The following TMEM163 variants were observed in gnomAD, a reference collection of about 807,000 sequenced individuals.
The protein encoded by TMEM163 is transmembrane protein 163.
TMEM163 carries 17 observed loss-of-function variants against 29.3 expected under a neutral mutation model. The ratio of observed to expected loss-of-function variants is 0.58; its 90% confidence interval spans 0.40 to 0.87. The LOEUF (loss-of-function observed/expected upper bound fraction) is 0.87. Among genes scored for constraint, TMEM163 ranks in the 40% least tolerant of loss-of-function variants. The pLI, the probability that TMEM163 is intolerant of heterozygous loss-of-function variation, is 0.00. For synonymous variants in TMEM163, 157 were observed against 160.6 expected (o/e 0.98, Z 0.17); for missense variants, 303 against 381.5 (o/e 0.79, Z 1.71).
intron 2 of TMEM163, among the ~76,000 whole-genome samples, chr2:134,568,952 T>C (rs969292895): frequency 6.6e-6 from 1 of 152,154 alleles, no homozygotes; most frequent in South Asian, 2.1e-4. Flanking sequence ...AAAAGTGAGA[T>C]TCAGACACTC....
intron 2 of TMEM163, among the ~76,000 whole-genome samples, chr2:134,667,333 A>G (rs1010383691): frequency 1.1e-4 from 16 of 152,252 alleles, no homozygotes. Context: ...GTTCTAGCCA[A>G]TGGGATCTGA....
chr2:134,481,807 G>T (rs1679192295), intron 5 of TMEM163, among the ~76,000 whole-genome samples: 1 of 152,152 alleles, frequency 6.6e-6, no homozygotes, highest in South Asian at 2.1e-4. Context: ...CATGAGCTGA[G>T]ATGAAAGTGC....
At chr2:134,709,122 C>G (rs1177986081) in intron 2 of TMEM163, among the ~76,000 whole-genome samples, 2 of 152,098 alleles carry the variant, frequency 1.3e-5, no homozygotes, top group Non-Finnish European at 2.9e-5. Context: ...ATGTCAAAAC[C>G]CTGAGTTTTG....
At chr2:134,656,319 G>A (rs2104853730) in intron 2 of TMEM163, among the ~76,000 whole-genome samples, 1 of 151,574 alleles carries the variant, frequency 6.6e-6, no homozygotes, top group African/African-American at 2.4e-5. Context: ...TTCCAGGTGC[G>A]TCCGTCACCC....
chr2:134,542,815 C>T (rs761942558), intron 4 of TMEM163, among the ~76,000 whole-genome samples: 3 of 152,160 alleles, frequency 2.0e-5, no homozygotes, highest in African/African-American at 7.2e-5. Flanking sequence ...ATTAAACTTA[C>T]AGGGAAGCTC....
chr2:134,610,280 C>T (rs1411530765), intron 2 of TMEM163, among the ~76,000 whole-genome samples: 2 of 152,298 alleles, frequency 1.3e-5, no homozygotes, highest in African/African-American at 4.8e-5. Flanking sequence ...CCACTGTGGC[C>T]GCCAGCCACT....
intron 2 of TMEM163, among the ~76,000 whole-genome samples, chr2:134,608,931 A>AAGG (rs1250217890): frequency 3.0e-5 from 2 of 66,064 alleles, no homozygotes; most frequent in Non-Finnish European, 2.8e-5. Context: ...TGCTGGTGAA[A>AAGG]AGGACAGACC....
chr2:134,643,124 G>A (rs190604608), intron 2 of TMEM163, among the ~76,000 whole-genome samples: 7 of 152,010 alleles, frequency 4.6e-5, no homozygotes, highest in African/African-American at 1.4e-4. Flanking sequence ...AAAGAGAGAA[G>A]ACACAAATTA....
At chr2:134,486,774 A>T (rs976650868) in intron 5 of TMEM163, among the ~76,000 whole-genome samples, 1 of 152,226 alleles carries the variant, frequency 6.6e-6, no homozygotes, top group Non-Finnish European at 1.5e-5. Flanking sequence ...ACTTTAGACC[A>T]ATGTTACTTA....
chr2:134,706,443 T>C (rs1376577261), intron 2 of TMEM163, among the ~76,000 whole-genome samples: 1 of 152,028 alleles, frequency 6.6e-6, no homozygotes, highest in African/African-American at 2.4e-5. Flanking sequence ...CGGGTCCTGG[T>C]GTGGAGGAGT....
chr2:134,561,289 C>T (rs766961218), intron 2 of TMEM163, among the ~76,000 whole-genome samples: 2 of 152,228 alleles, frequency 1.3e-5, no homozygotes, highest in African/African-American at 2.4e-5. Flanking sequence ...CTGCAAGCTC[C>T]GCCTTCTGGG....
chr2:134,501,073 T>C (rs1318925851), intron 5 of TMEM163, among the ~76,000 whole-genome samples: 1 of 152,212 alleles, frequency 6.6e-6, no homozygotes, highest in East Asian at 1.9e-4. Context: ...CTGGTCACTA[T>C]ACATGATATG....
intron 4 of TMEM163, among the ~76,000 whole-genome samples, chr2:134,506,562 T>A (rs183018096): frequency 2.9e-4 from 44 of 152,236 alleles, no homozygotes; most frequent in African/African-American, 1.0e-3. Context: ...CGGGCTTGCC[T>A]AAGGTCACTC....
intron 2 of TMEM163, among the ~76,000 whole-genome samples, chr2:134,621,353 G>GA (rs1376872587): frequency 6.6e-6 from 1 of 152,208 alleles, no homozygotes; most frequent in Admixed American, 6.5e-5. Flanking sequence ...GGAAAAACTG[G>GA]AATGCTTATA....
rs923077745 is a variant in TMEM163 at position 134,602,826 on chromosome 2, G to A, written c.323-50735C>T. Among the ~76,000 whole-genome samples the A allele has an allele frequency of 2.0e-5, 3 of 151,936 alleles. No individual in the cohort carries two copies. The East Asian group carries it at 5.8e-4, about 30-fold the overall frequency. On this transcript the variant is annotated intron_variant, in intron 2 of 7. Transcript: ENST00000281924. The stretch of plus-strand genomic sequence containing the variant: ...CCCTGAGAGGGAGTGTCCCACCGCC[G>A]AGGACTCTTGTCTCCTCCCGTCCCT...
At chr2:134,607,211 C>T (rs1682397049) in intron 2 of TMEM163, among the ~76,000 whole-genome samples, 9 of 57,314 alleles carry the variant, frequency 1.6e-4, no homozygotes, top group African/African-American at 4.9e-4. Flanking sequence ...GGACAGACCC[C>T]GAGAACTGTG....
At chr2:134,693,452 G>GA (rs1315336980) in intron 2 of TMEM163, among the ~76,000 whole-genome samples, 1 of 151,500 alleles carries the variant, frequency 6.6e-6, no homozygotes, top group East Asian at 1.9e-4. Flanking sequence ...ACTAAAAATA[G>GA]AAAAAAATTA....
chr2:134,463,128 A>G (rs1686588144), intron 6 of TMEM163, among the ~76,000 whole-genome samples: 2 of 152,172 alleles, frequency 1.3e-5, no homozygotes, highest in African/African-American at 4.8e-5. Flanking sequence ...GAGACATTGC[A>G]GGGCAGGTGG....
chr2:134,594,915 A>T (rs1294063586), intron 2 of TMEM163, among the ~76,000 whole-genome samples: 1 of 151,810 alleles, frequency 6.6e-6, no homozygotes, highest in African/African-American at 2.4e-5. Flanking sequence ...TCAGAAGAAA[A>T]AAGAATGACA....
Sources: allele counts gnomAD v4.1 joint callset (sites outside exome capture counted in the v4.1 genomes callset), GRCh38; gene constraint gnomAD v4.1.1; transcripts MANE v1.5; gene names NCBI Gene and HGNC (gene_info 2026-07-23, HGNC 2026-07-21).